The following MGST1 variants were observed in gnomAD, a reference collection of about 807,000 sequenced individuals.
The protein encoded by MGST1 is glutathione S-transferase 12.
MGST1 carries 5 observed loss-of-function variants against 8.9 expected under a neutral mutation model. That is an observed-to-expected ratio of 0.56 (90% CI 0.29 to 1.19). The LOEUF is 1.19. MGST1 is among the 50% of genes most tolerant of loss of function. The pLI, the probability that MGST1 is intolerant of heterozygous loss-of-function variation, is 0.08. For synonymous variants in MGST1, 54 were observed against 67.8 expected (o/e 0.80, Z 1.00); for missense variants, 182 against 187.4 (o/e 0.97, Z 0.17).
chr12:16,353,044 T>TG (rs1217716871), intron 1 of MGST1, among the ~76,000 whole-genome samples: 17 of 151,626 alleles, frequency 1.1e-4, no homozygotes, highest in Admixed American at 2.6e-4. Flanking sequence ...TTTTTTTTTT[T>TG]GGAGGGGGAG....
rs1180806791 is a variant in MGST1 at position 16,555,964 on chromosome 12, T to C, written n.483-33564T>C. Reference sequence around the variant, plus strand: ...GAAGGATGGCTCTCTCTTCCCTCAGTATAGCTCTATTTAGCATCGATTACA... The same window carrying C: ...GAAGGATGGCTCTCTCTTCCCTCAGCATAGCTCTATTTAGCATCGATTACA... On this transcript the variant is annotated intron_variant and non_coding_transcript_variant, in intron 4 of 4. Coordinates refer to the MGST1 transcript ENST00000538857. This position sits in a 1 kb window ranked among gnomAD's most constrained non-coding sequence, Gnocchi z 5.5. Among the ~76,000 whole-genome samples the C allele has an allele frequency of 2.0e-5, 3 of 152,148 alleles. No individual in the cohort carries two copies. The highest frequency in any genetic ancestry group is 4.4e-5 in the Non-Finnish European group (3 of 68,016).
intron 1 of MGST1, among the ~76,000 whole-genome samples, chr12:16,412,317 C>T (rs1211786105): frequency 6.6e-6 from 1 of 152,132 alleles, no homozygotes; most frequent in Non-Finnish European, 1.5e-5. Context: ...GGTAGATAGT[C>T]TAACTGCTCC....
downstream of MGST1, among the ~76,000 whole-genome samples, chr12:16,592,523 T>G (rs943965794): frequency 5.3e-5 from 8 of 152,022 alleles, no homozygotes; most frequent in Admixed American, 1.3e-4. Context: ...AACCTGCTCA[T>G]GGAAACTAAT....
intron 3 of MGST1, among the ~76,000 whole-genome samples, chr12:16,360,811 G>A (rs1281353348): frequency 1.3e-5 from 2 of 152,192 alleles, no homozygotes; most frequent in Non-Finnish European, 2.9e-5. Context: ...TCTGTCATGA[G>A]ACTGGAGCAT....
chr12:16,535,747 C>A (rs1941753432), intron 4 of MGST1, among the ~76,000 whole-genome samples: 1 of 152,034 alleles, frequency 6.6e-6, no homozygotes, highest in Admixed American at 6.5e-5. Flanking sequence ...CTGCCCACAA[C>A]CAAAAATATG....
intron 4 of MGST1, among the ~76,000 whole-genome samples, chr12:16,488,945 C>T (rs1007652487): frequency 1.3e-5 from 2 of 151,904 alleles, no homozygotes; most frequent in African/African-American, 4.8e-5. Flanking sequence ...CCCATCTGTA[C>T]AAAACTTTTT....
At chr12:16,384,595 C>G (rs1489476325) in intron 1 of MGST1, among the ~76,000 whole-genome samples, 1 of 152,172 alleles carries the variant, frequency 6.6e-6, no homozygotes, top group Non-Finnish European at 1.5e-5. Flanking sequence ...ACCTCCTGAA[C>G]TGGGAGATAA....
intron 4 of MGST1, among the ~76,000 whole-genome samples, chr12:16,444,699 G>A (rs778996529): frequency 6.6e-6 from 1 of 151,900 alleles, no homozygotes; most frequent in Non-Finnish European, 1.5e-5. Flanking sequence ...CAACAGTGGT[G>A]AGTGACACTT....
At chr12:16,522,602 G>A (rs1941655492) in intron 4 of MGST1, among the ~76,000 whole-genome samples, 1 of 152,052 alleles carries the variant, frequency 6.6e-6, no homozygotes, top group Admixed American at 6.6e-5. Flanking sequence ...TCCATGGCTT[G>A]ATGAAGTGCC....
chr12:16,540,632 T>TA (rs948363377), intron 4 of MGST1, among the ~76,000 whole-genome samples: 75 of 152,268 alleles, frequency 4.9e-4, no homozygotes, highest in African/African-American at 1.7e-3. Context: ...TGTTATAAAA[T>TA]AAAAAATTGT....
At chr12:16,378,527 C>A (rs1940415575), downstream of MGST1, among the ~76,000 whole-genome samples, 1 of 152,162 alleles carries the variant, frequency 6.6e-6, no homozygotes, top group African/African-American at 2.4e-5. Context: ...GGTACCAGTA[C>A]CATGCTGTTT....
At chr12:16,380,524 C>T (rs1356232772), downstream of MGST1, among the ~76,000 whole-genome samples, 1 of 152,126 alleles carries the variant, frequency 6.6e-6, no homozygotes, top group Non-Finnish European at 1.5e-5. Flanking sequence ...GTTATAATTT[C>T]TGTTCTTTTA....
At chr12:16,448,102 T>G (rs1941096497) in intron 4 of MGST1, among the ~76,000 whole-genome samples, 1 of 151,774 alleles carries the variant, frequency 6.6e-6, no homozygotes, top group African/African-American at 2.4e-5. Context: ...GAGAAAAATG[T>G]TAAACATTTT....
At chr12:16,445,264 G>T (rs1283364894) in intron 4 of MGST1, among the ~76,000 whole-genome samples, 1 of 151,820 alleles carries the variant, frequency 6.6e-6, no homozygotes, top group African/African-American at 2.4e-5. Context: ...TTTGTGGCAG[G>T]GGGTGTGAGA....
intron 1 of MGST1, among the ~76,000 whole-genome samples, chr12:16,387,666 A>T (rs928626658): frequency 6.6e-6 from 1 of 151,772 alleles, no homozygotes; most frequent in Non-Finnish European, 1.5e-5. Flanking sequence ...AGCTGGGACT[A>T]CAGGCGCCCA....
At chr12:16,488,159 A>G (rs1259937567) in intron 4 of MGST1, among the ~76,000 whole-genome samples, 1 of 152,220 alleles carries the variant, frequency 6.6e-6, no homozygotes, top group Admixed American at 6.5e-5. Context: ...AAGTTGAATT[A>G]GGAGAATATT....
At chr12:16,556,821 G>T (rs565252427) in intron 4 of MGST1, among the ~76,000 whole-genome samples, 2 of 152,284 alleles carry the variant, frequency 1.3e-5, no homozygotes, top group Admixed American at 6.5e-5. Context: ...GCATTAGTTT[G>T]TCTTGTAGGG....
In MGST1 at chr12:16,361,998, G is replaced by C. The variant is rs981106079; in HGVS notation, c.222-1797G>C. Among the ~76,000 whole-genome samples, 1 of 152,086 alleles carries C rather than the reference G, an allele frequency of 6.6e-6. No homozygotes were observed. Among genetic ancestry groups the C allele is most frequent in the Non-Finnish European group, 1.5e-5 (1 of 68,040 alleles). On this transcript the variant is annotated intron_variant, in intron 3 of 3. Coordinates refer to ENST00000396210, the MANE Select transcript of MGST1 (RefSeq NM_020300.5). The surrounding 1 kb of genome is among the most constrained non-coding windows in gnomAD (Gnocchi z 4.2). ...TATTTGTCAACTGCGTAACACAGGC[G>C]TAGAAGTGGACATTGTTTTCCAGAG... is the stretch of plus-strand genomic sequence containing the variant.
In MGST1 at chr12:16,513,706, T is replaced by C; in HGVS notation, n.483-75822T>C. On this transcript the variant is annotated intron_variant and non_coding_transcript_variant, in intron 4 of 4. Transcript: ENST00000538857. The surrounding 1 kb of genome is among the most constrained non-coding windows in gnomAD (Gnocchi z 4.2). ...GCGGCTGGCTGAATTTTGCAAGGCA[T>C]CTGCAGAAGTAGCCTTGGGCGAGAA... 1.8e-6 allele frequency: 1 copy of C among 553,018 alleles called. No individual in the cohort carries two copies. Among genetic ancestry groups the C allele is most frequent in the Non-Finnish European group, 3.6e-6 (1 of 275,270 alleles). 34.3% of individuals were successfully genotyped at this position (553,018 alleles called of 1,614,324 possible).
Sources: allele counts gnomAD v4.1 joint callset (sites outside exome capture counted in the v4.1 genomes callset), GRCh38; gene constraint gnomAD v4.1.1; non-coding constraint Gnocchi (gnomAD v3.1); transcripts MANE v1.5; gene names NCBI Gene and HGNC (gene_info 2026-07-23, HGNC 2026-07-21).